The following GABRA5 variants were observed in gnomAD, a reference collection of about 807,000 sequenced individuals.
The protein encoded by GABRA5 is gamma-aminobutyric acid receptor subunit alpha-5.
In GABRA5, 18 loss-of-function variants were observed where a neutral mutation model predicts 47.3. That is an observed-to-expected ratio of 0.38 (90% CI 0.26 to 0.56). The LOEUF (loss-of-function observed/expected upper bound fraction) is 0.56, where lower values mean the gene tolerates loss of function less well. GABRA5 is among the 20% of genes least tolerant of loss of function. GABRA5 has a pLI of 0.71. For synonymous variants in GABRA5, 237 were observed against 229.3 expected (o/e 1.03, Z -0.30); for missense variants, 365 against 599.3 (o/e 0.61, Z 4.08).
intron 8 of GABRA5, chr15:26,939,499 C>T: frequency 1.4e-6 from 1 of 713,506 alleles, no homozygotes; most frequent in Non-Finnish European, 2.6e-6. Flanking sequence ...GGTCGTCTCA[C>T]CTCCCTGGAG....
chr15:26,902,629 T>C (rs917656247), intron 6 of GABRA5, among the ~76,000 whole-genome samples: 3 of 152,136 alleles, frequency 2.0e-5, no homozygotes, highest in Admixed American at 2.0e-4. Context: ...ATATAAATTT[T>C]ACTTCCTTTA....
intron 6 of GABRA5, among the ~76,000 whole-genome samples, chr15:26,907,640 T>G (rs1438580150): frequency 1.3e-5 from 2 of 152,138 alleles, no homozygotes; most frequent in Admixed American, 6.6e-5. Flanking sequence ...CATCACAGAA[T>G]GGGACCAGTA....
intron 6 of GABRA5, among the ~76,000 whole-genome samples, chr15:26,887,809 C>G (rs1892915465): frequency 6.6e-6 from 1 of 152,118 alleles, no homozygotes. Flanking sequence ...AATTGCACAT[C>G]TAGATGAAAT....
chr15:26,923,371 G>A (rs970718453), intron 7 of GABRA5, among the ~76,000 whole-genome samples: 1 of 152,090 alleles, frequency 6.6e-6, no homozygotes, highest in Non-Finnish European at 1.5e-5. Context: ...ACTGGATATG[G>A]GATTAAGCTT....
chr15:26,912,091 G>T (rs150856827), intron 6 of GABRA5, among the ~76,000 whole-genome samples: 1 of 152,230 alleles, frequency 6.6e-6, no homozygotes, highest in East Asian at 1.9e-4. Flanking sequence ...TGTGAGCCCC[G>T]CGTGTTCCTG....
rs1321109889 is a variant in GABRA5, at chr15:26,887,486, T to C, written c.497+3929T>C. Among the ~76,000 whole-genome samples, 3 of 152,102 alleles carry C rather than the reference T, an allele frequency of 2.0e-5. No individual in the cohort carries two copies. In the East Asian group the frequency reaches 5.8e-4, roughly 29 times the overall value. The stretch of plus-strand genomic sequence containing the variant: ...CTGGGATTACAGGTGCTTGCCACCA[T>C]GCCCAGCTAATTTTTGTGTTTTTAA... On this transcript the variant is annotated intron_variant, in intron 6 of 10. Transcript: ENST00000335625.
Position 26,883,274 on chromosome 15 carries a change from G to C in GABRA5, c.276+41G>C. The C allele has an allele frequency of 6.2e-7, 1 of 1,611,410 alleles. No individual in the cohort carries two copies. The highest frequency in any genetic ancestry group is 1.7e-5 in the Admixed American group (1 of 60,030). On this transcript the variant is annotated intron_variant, in intron 5 of 10. Coordinates refer to ENST00000335625, the MANE Select transcript of GABRA5 (RefSeq NM_000810.4). The surrounding 1 kb of genome is among the most constrained non-coding windows in gnomAD (Gnocchi z 4.8). ...TGGCTGGGCAGACAATTCTTACTCC[G>C]CGCCGCAGGCCCCCGCCCAGGCCCC...
intron 7 of GABRA5, among the ~76,000 whole-genome samples, chr15:26,930,498 A>G (rs975753830): frequency 2.0e-5 from 3 of 152,202 alleles, no homozygotes; most frequent in Admixed American, 2.0e-4. Flanking sequence ...GGTTCAGTCA[A>G]GCTCCTTGCC....
chr15:26,912,051 T>TC (rs1447499297), intron 6 of GABRA5, among the ~76,000 whole-genome samples: 1 of 152,078 alleles, frequency 6.6e-6, no homozygotes, highest in African/African-American at 2.4e-5. Flanking sequence ...TGAAACGCCC[T>TC]CCCCTCCACC....
chr15:26,935,431 C>A (rs1320890174), intron 7 of GABRA5, among the ~76,000 whole-genome samples: 3 of 152,228 alleles, frequency 2.0e-5, no homozygotes, highest in Non-Finnish European at 4.4e-5. Context: ...GCCCCCTAAC[C>A]ATGGAGAAAG....
chr15:26,867,312 C>A lies in GABRA5; in HGVS notation c.-140+201C>A, dbSNP rs1417353973. 3 of 151,760 alleles carry A rather than the reference C, an allele frequency of 2.0e-5. No homozygotes were observed. The highest frequency in any genetic ancestry group is 4.4e-5 in the Non-Finnish European group (3 of 67,934). 9.4% of individuals were successfully genotyped at this position (151,760 alleles called of 1,614,324 possible). A position where few individuals can be genotyped will look rare whatever the true frequency, so the allele number is the denominator to read the frequency against. On this transcript the variant is annotated intron_variant, in intron 1 of 10. Coordinates refer to ENST00000335625, the MANE Select transcript of GABRA5 (RefSeq NM_000810.4). The surrounding 1 kb of genome is among the most constrained non-coding windows in gnomAD (Gnocchi z 5.9). ...GCACCGGCCTTCCGCGCCTGCCAGC[C>A]GGGCGAGAGCAGGCGGAGGAGAAGG...
At chr15:26,945,261 A>C (rs958062768) in intron 10 of GABRA5, among the ~76,000 whole-genome samples, 2 of 152,194 alleles carry the variant, frequency 1.3e-5, no homozygotes, top group African/African-American at 4.8e-5. Context: ...CCCCGCGGTC[A>C]GACACTGGCG....
chr15:26,911,036 T>C (rs990503944), intron 6 of GABRA5, among the ~76,000 whole-genome samples: 1 of 152,198 alleles, frequency 6.6e-6, no homozygotes, highest in African/African-American at 2.4e-5. Context: ...TTGAAATGTT[T>C]AGAGGGATCG....
At chr15:26,943,886 T>A (rs1894448433) in intron 10 of GABRA5, among the ~76,000 whole-genome samples, 1 of 152,060 alleles carries the variant, frequency 6.6e-6, no homozygotes, top group Admixed American at 6.5e-5. Context: ...CATAAATTGT[T>A]GTGAAAGCAT....
intron 6 of GABRA5, among the ~76,000 whole-genome samples, chr15:26,885,093 G>A (rs1174741461): frequency 2.0e-5 from 3 of 151,982 alleles, no homozygotes; most frequent in Non-Finnish European, 2.9e-5. Flanking sequence ...TCAGGAGATC[G>A]AGACCATCCT....
chr15:26,888,996 C>A (rs1037135718), intron 6 of GABRA5, among the ~76,000 whole-genome samples: 1 of 152,212 alleles, frequency 6.6e-6, no homozygotes, highest in African/African-American at 2.4e-5. Context: ...TTGCCCGTGC[C>A]TGTTTAATAG....
intron 10 of GABRA5, among the ~76,000 whole-genome samples, chr15:26,945,773 C>G (rs556701320): frequency 6.6e-6 from 1 of 152,170 alleles, no homozygotes; most frequent in South Asian, 2.1e-4. Context: ...CCACCACCAG[C>G]GCCGTGACTA....
At chr15:26,943,111 A>G (rs1377174116) in intron 9 of GABRA5, 104 bp from the exon 10 acceptor site, 2 of 724,718 alleles carry the variant, frequency 2.8e-6, no homozygotes, top group Non-Finnish European at 4.4e-6. Flanking sequence ...AAAAATGACT[A>G]GTCCCCTTTG....
chr15:26,919,296 T>C (rs541893572), intron 7 of GABRA5, among the ~76,000 whole-genome samples: 1 of 152,346 alleles, frequency 6.6e-6, no homozygotes, highest in East Asian at 1.9e-4. Context: ...TAATTGTTTC[T>C]ATTTGTCTTT....
Sources: gnomAD v4.1 joint callset for allele counts (sites outside exome capture counted in the v4.1 genomes callset) on GRCh38, gnomAD v4.1.1 for gene constraint, Gnocchi (gnomAD v3.1) non-coding constraint, MANE v1.5 for transcripts, NCBI Gene and HGNC (gene_info 2026-07-23, HGNC 2026-07-21) for gene names.